The following SPATA18 variants were observed in gnomAD, a reference collection of about 807,000 sequenced individuals.
SPATA18 encodes mitochondria-eating protein.
SPATA18 carries 54 observed loss-of-function variants against 68.1 expected under a neutral mutation model. That is an observed-to-expected ratio of 0.79 (90% CI 0.64 to 0.99). The LOEUF (loss-of-function observed/expected upper bound fraction) is 0.99. SPATA18 is among the 50% of genes least tolerant of loss of function. SPATA18 has a pLI of 0.00. For missense variants in SPATA18, 724 were observed against 681.1 expected, an observed-to-expected ratio of 1.06 and a Z score of -0.70; for synonymous variants, 242 against 244.8, an observed-to-expected ratio of 0.99 and a Z score of 0.11.
At chr4:52,076,138 G>A (rs1740319434) in intron 6 of SPATA18, among the ~76,000 whole-genome samples, 1 of 152,170 alleles carries the variant, frequency 6.6e-6, no homozygotes, top group Non-Finnish European at 1.5e-5. Context: ...ACTCCTGTGT[G>A]AGTATCTGAC....
In SPATA18 at chr4:52,062,327, A is replaced by G; in HGVS notation, c.417A>G (p.Gln139=). The G allele has an allele frequency of 6.3e-7, 1 of 1,593,122 alleles. No homozygotes were observed. Among genetic ancestry groups the G allele is most frequent in the Non-Finnish European group, 8.6e-7 (1 of 1,165,292 alleles). The change falls in exon 4 of 13, where the codon CAA becomes CAG. Residue 139 remains glutamine, a synonymous_variant. Transcript: ENST00000295213. ...CCCGGAGTCAATGCAACCAGGTTCAAGACGAGTAAGAGGAATGCAAGTTAT... is the reference window on the plus strand; with the variant it reads ...CCCGGAGTCAATGCAACCAGGTTCAGGACGAGTAAGAGGAATGCAAGTTAT... ...NSTRSQCNQV[Q]DDLVETEKNL...
chr4:52,051,320 G>C lies in SPATA18; in HGVS notation c.-385G>C, dbSNP rs762000226. 1.1e-5 allele frequency: 2 copies of C among 188,224 alleles called. No individual in the cohort carries two copies. The highest frequency in any genetic ancestry group is 1.2e-4 in the Admixed American group (2 of 16,148). The allele number at this position is 188,224 out of a possible 1,614,324, so 11.7% of individuals were successfully genotyped here. A position where few individuals can be genotyped will look rare whatever the true frequency, so the allele number is the denominator to read the frequency against. ...GCGCGTCTCAGTCCACCCCTGGGGC[G>C]CGCGGCTGTCACCCAGGGCGGGGCG... On this transcript the variant is annotated 5_prime_UTR_variant, in exon 1 of 13. Transcript: ENST00000295213.
intron 1 of SPATA18, 26 bp downstream of exon 1, chr4:52,051,817 G>A: frequency 1.3e-6 from 2 of 1,599,762 alleles, no homozygotes; most frequent in Non-Finnish European, 1.7e-6. Context: ...AAACCCCCGG[G>A]GTTCGCCCTC....
intron 11 of SPATA18, among the ~76,000 whole-genome samples, chr4:52,086,135 C>T (rs1254948257): frequency 6.6e-6 from 1 of 152,146 alleles, no homozygotes. Flanking sequence ...TCACATCCGG[C>T]AACCCTACAC....
At position 52,062,330 on chromosome 4, in the gene SPATA18, C is replaced by T. The variant is rs149900810; in HGVS notation, c.420C>T (p.Asp140=). The part of the protein sequence containing the change: ...STRSQCNQVQ[D]DLVETEKNLE... ...GGAGTCAATGCAACCAGGTTCAAGA[C>T]GAGTAAGAGGAATGCAAGTTATCTT... Residue 140 remains aspartate, a splice_region_variant and synonymous_variant, in exon 4 of 13, where the codon GAC becomes GAT. Transcript: ENST00000295213. The T allele has an allele frequency of 8.4e-5, 134 of 1,585,860 alleles. No homozygotes were observed. Among genetic ancestry groups the T allele is most frequent in the Non-Finnish European group, 1.0e-4 (120 of 1,160,618 alleles).
At chr4:52,072,515 G>A (rs2109461500) in intron 6 of SPATA18, among the ~76,000 whole-genome samples, 1 of 152,124 alleles carries the variant, frequency 6.6e-6, no homozygotes, top group Non-Finnish European at 1.5e-5. Context: ...TGATTCTCCT[G>A]CCTCAGCCTC....
At chr4:52,077,529 T>G (rs1056487267) in intron 7 of SPATA18, among the ~76,000 whole-genome samples, 2 of 151,952 alleles carry the variant, frequency 1.3e-5, no homozygotes, top group Middle Eastern at 3.2e-3. Context: ...TATTTATTTA[T>G]TTAGTTGGTT....
chr4:52,081,414 C>T (rs908395459), intron 9 of SPATA18, among the ~76,000 whole-genome samples: 3 of 152,222 alleles, frequency 2.0e-5, no homozygotes, highest in African/African-American at 7.2e-5. Flanking sequence ...AGCAATTACT[C>T]AAACCCTCCT....
intron 10 of SPATA18, 101 bp downstream of exon 10, chr4:52,082,611 A>C: frequency 6.2e-7 from 1 of 1,605,762 alleles, no homozygotes; most frequent in Non-Finnish European, 8.5e-7. Flanking sequence ...GTTTATAAAG[A>C]GTTGATAAGA....
At chr4:52,083,128 T>C in intron 10 of SPATA18, 3 of 985,386 alleles carry the variant, frequency 3.0e-6, no homozygotes, top group Non-Finnish European at 3.6e-6. Flanking sequence ...TATGTGAGCA[T>C]GTGGGTGTGT....
chr4:52,088,925 G>A (rs1419357761), intron 11 of SPATA18, among the ~76,000 whole-genome samples: 1 of 152,010 alleles, frequency 6.6e-6, no homozygotes, highest in African/African-American at 2.4e-5. Context: ...ACTTTTTTTG[G>A]TTGGTAGGCT....
At chr4:52,073,320 C>G (rs779065498) in intron 6 of SPATA18, among the ~76,000 whole-genome samples, 1 of 152,186 alleles carries the variant, frequency 6.6e-6, no homozygotes, top group African/African-American at 2.4e-5. Context: ...TTCTGTAAAA[C>G]CTCCCTTTAT....
intron 10 of SPATA18, 39 bp from the exon 11 acceptor site, chr4:52,084,877 C>T: frequency 1.2e-6 from 2 of 1,601,276 alleles, no homozygotes; most frequent in Non-Finnish European, 1.7e-6. Flanking sequence ...TTTTCACAAA[C>T]TCCTGACTAT....
chr4:52,052,532 C>G (rs1737987932), intron 1 of SPATA18, among the ~76,000 whole-genome samples: 1 of 152,128 alleles, frequency 6.6e-6, no homozygotes, highest in South Asian at 2.1e-4. Context: ...TACATTCGGT[C>G]GGTCCGTCTT....
intron 10 of SPATA18, chr4:52,082,902 CTG>C: frequency 1.0e-6 from 1 of 985,364 alleles, no homozygotes. Context: ...TGACGATTTT[CTG>C]TTTTGGGAAA....
intron 11 of SPATA18, among the ~76,000 whole-genome samples, chr4:52,092,056 C>T (rs1742009248): frequency 6.6e-6 from 1 of 152,206 alleles, no homozygotes; most frequent in Non-Finnish European, 1.5e-5. Flanking sequence ...CCCTCCCCGA[C>T]CAAGCTTGAC....
intron 11 of SPATA18, among the ~76,000 whole-genome samples, 169 bp from the exon 12 acceptor site, chr4:52,094,358 G>A (rs1192436344): frequency 1.3e-5 from 2 of 152,038 alleles, no homozygotes; most frequent in African/African-American, 4.8e-5. Flanking sequence ...CAATACTTCA[G>A]AAGTCTAAAA....
chr4:52,061,638 G>A (rs1223317593), intron 3 of SPATA18, among the ~76,000 whole-genome samples: 1 of 152,004 alleles, frequency 6.6e-6, no homozygotes, highest in Non-Finnish European at 1.5e-5. Flanking sequence ...GCCCTGGGTA[G>A]GTATCTAAAC....
intron 6 of SPATA18, among the ~76,000 whole-genome samples, chr4:52,076,283 T>C (rs1040162006): frequency 6.6e-6 from 1 of 151,992 alleles, no homozygotes; most frequent in Non-Finnish European, 1.5e-5. Flanking sequence ...CTTGAGGAGG[T>C]AGGAAGTTTC....
Sources: allele counts gnomAD v4.1 joint callset (sites outside exome capture counted in the v4.1 genomes callset), GRCh38; gene constraint gnomAD v4.1.1; transcripts MANE v1.5; gene names NCBI Gene and HGNC (gene_info 2026-07-23, HGNC 2026-07-21).